Variants in NFATC2 observed in about 807,000 individuals in gnomAD.
The protein encoded by NFATC2 is nuclear factor of activated T cells 2.
A neutral mutation model predicts 87.3 loss-of-function variants in NFATC2; 22 were observed. The observed-to-expected ratio is 0.25, with a 90% confidence interval of 0.18 to 0.36. The LOEUF (loss-of-function observed/expected upper bound fraction) is 0.36, where lower values mean the gene tolerates loss of function less well. NFATC2 is among the 10% of genes least tolerant of loss of function. The probability of loss-of-function intolerance (pLI) is 1.00; values close to 1 mark genes in which losing one functional copy is unlikely to be tolerated. For missense variants in NFATC2, 1,149 were observed against 1,259.1 expected (o/e 0.91, Z 1.32); for synonymous variants, 565 against 542.2 (o/e 1.04, Z -0.58).
At chr20:51,411,554 G>A (rs1979257680) in intron 9 of NFATC2, among the ~76,000 whole-genome samples, 2 of 115,892 alleles carry the variant, frequency 1.7e-5, no homozygotes, top group Non-Finnish European at 3.3e-5. Context: ...TTGAGACAGA[G>A]TCTTGCTCTT....
At chr20:51,494,419 G>A (rs980898787) in intron 3 of NFATC2, among the ~76,000 whole-genome samples, 4 of 152,084 alleles carry the variant, frequency 2.6e-5, no homozygotes, top group African/African-American at 7.2e-5. Flanking sequence ...GTGGAAATGC[G>A]GCACACGTCA....
intron 5 of NFATC2, among the ~76,000 whole-genome samples, chr20:51,467,146 C>T (rs2146484398): frequency 6.7e-6 from 1 of 149,488 alleles, no homozygotes; most frequent in African/African-American, 2.5e-5. Context: ...GAAAAATATA[C>T]ACAAATCTGA....
chr20:51,391,326 C>G lies in NFATC2; in HGVS notation c.*170G>C. The G allele has an allele frequency of 2.7e-6, 4 of 1,502,196 alleles. No individual in the cohort carries two copies. Among genetic ancestry groups the G allele is most frequent in the Non-Finnish European group, 3.7e-6 (4 of 1,078,722 alleles). The allele number at this position is 1,502,196 out of a possible 1,614,324, so 93.1% of individuals were successfully genotyped here. The stretch of plus-strand genomic sequence containing the variant: ...GCTGGGAGATGAACATGAAAGGAGA[C>G]AGAAGGTGAGGGGCTGTGGAGGGCT... On this transcript the variant is annotated 3_prime_UTR_variant, in exon 11 of 11. Coordinates refer to ENST00000371564, the MANE Select transcript of NFATC2 (RefSeq NM_012340.5).
chr20:51,493,654 G>A (rs1011486527), intron 3 of NFATC2, among the ~76,000 whole-genome samples: 3 of 152,144 alleles, frequency 2.0e-5, no homozygotes, highest in Non-Finnish European at 2.9e-5. Context: ...CAACGTCACC[G>A]CAGGGAAACC....
At position 51,480,074 on chromosome 20, in the gene NFATC2, C is replaced by T. The variant is rs190929855; in HGVS notation, c.1333-4414G>A. ...AGGCTGAGGTGGGCAGATCACTTGA[C>T]GTCAGGAGTTCAAGACCAGCCCGGG... On this transcript the variant is annotated intron_variant, in intron 3 of 10. Coordinates refer to ENST00000371564, the MANE Select transcript of NFATC2 (RefSeq NM_012340.5). This position sits in a 1 kb window ranked among gnomAD's most constrained non-coding sequence, Gnocchi z 4.2. Among the ~76,000 whole-genome samples the T allele has an allele frequency of 2.0e-5, 3 of 151,966 alleles. No homozygotes were observed. The highest frequency in any genetic ancestry group is 6.6e-5 in the Admixed American group (1 of 15,256).
At position 51,477,573 on chromosome 20, in the gene NFATC2, ATATATAT is replaced by A. The variant is rs1568667359; in HGVS notation, c.1333-1920_1333-1914del. On this transcript the variant is annotated intron_variant, in intron 3 of 10. Coordinates refer to ENST00000371564, the MANE Select transcript of NFATC2 (RefSeq NM_012340.5). ...TATATATATATATATATATATATATATATATATAAAATAACAAGAGACAAAAGGACAT... is the reference window on the plus strand; with the variant it reads ...TATATATATATATATATATATATATAAAAATAACAAGAGACAAAAGGACAT... Among the ~76,000 whole-genome samples the A allele has an allele frequency of 4.8e-3, 415 of 87,076 alleles. 3 individuals are homozygous for A. The highest frequency in any genetic ancestry group is 8.3e-3 in the Admixed American group (77 of 9,258). The allele number at this position is 87,076 out of a possible 152,430, so 57.1% of individuals were successfully genotyped here.
Position 51,411,662 on chromosome 20 carries a change from G to T in NFATC2, c.2723-12932C>A, listed in dbSNP as rs965066072. On this transcript the variant is annotated intron_variant, in intron 9 of 10. Coordinates refer to ENST00000371564, the MANE Select transcript of NFATC2 (RefSeq NM_012340.5). ...CCTGCCCCAGCCTCCTGAGTAGCTG[G>T]GATTACAGGCGTGTGCCACCACGCA... is the stretch of plus-strand genomic sequence containing the variant. Among the ~76,000 whole-genome samples, 8 of 151,638 alleles carry T rather than the reference G, an allele frequency of 5.3e-5. 1 individual carries two copies. The highest frequency in any genetic ancestry group is 1.9e-4 in the African/African-American group (8 of 41,226).
Position 51,442,857 on chromosome 20 carries a change from C to T in NFATC2, c.1850-7096G>A, listed in dbSNP as rs563491873. On this transcript the variant is annotated intron_variant, in intron 6 of 10. Transcript: ENST00000371564. ...GCTCCGGCACAGCTGTACCCCAGGC[C>T]GAGAGATGGACCATGTATGCCTTCC... Among the ~76,000 whole-genome samples the T allele has an allele frequency of 2.6e-4, 39 of 151,878 alleles. 1 individual carries two copies. The highest frequency in any genetic ancestry group is 4.9e-4 in the Non-Finnish European group (33 of 67,914).
intron 1 of NFATC2, among the ~76,000 whole-genome samples, chr20:51,556,657 A>C (rs937471889): frequency 1.3e-5 from 2 of 152,178 alleles, no homozygotes; most frequent in Non-Finnish European, 1.5e-5. Flanking sequence ...AAAGGAGAGA[A>C]ACCCAGATAG....
At chr20:51,399,060 T>G (rs1243320776) in intron 9 of NFATC2, 2 of 228,104 alleles carry the variant, frequency 8.8e-6, no homozygotes, top group Non-Finnish European at 8.7e-6. Context: ...AAGAGAAAAT[T>G]AAGCTGGTTT....
chr20:51,432,685 G>A lies in NFATC2; in HGVS notation c.2104C>T (p.Leu702=), dbSNP rs561777535. Residue 702 remains leucine, a synonymous_variant, in exon 9 of 11, where the codon CTG becomes TTG. Coordinates refer to ENST00000371564, the MANE Select transcript of NFATC2 (RefSeq NM_012340.5). This position sits in a 1 kb window ranked among gnomAD's most constrained non-coding sequence, Gnocchi z 4.6. ...TLICSPTHGG[L]GSQPYYPQHP... is the part of the protein sequence containing the mutation. ...TGGGGGTAGTAAGGCTGGCTCCCCAGGCCTCCATGGGTGGGGCTGCAGATC... is the reference window on the plus strand; with the variant it reads ...TGGGGGTAGTAAGGCTGGCTCCCCAAGCCTCCATGGGTGGGGCTGCAGATC... 6 of 1,577,898 alleles carry A rather than the reference G, an allele frequency of 3.8e-6. No homozygotes were observed. The East Asian group carries it at 1.3e-4, about 35-fold the overall frequency.
intron 1 of NFATC2, among the ~76,000 whole-genome samples, chr20:51,533,062 CG>C (rs1380078758): frequency 6.6e-6 from 1 of 152,230 alleles, no homozygotes; most frequent in Non-Finnish European, 1.5e-5. Flanking sequence ...GACAGTCTGT[CG>C]CCAAGGCAGC....
intron 3 of NFATC2, among the ~76,000 whole-genome samples, chr20:51,481,433 C>G (rs548723369): frequency 3.3e-5 from 5 of 152,128 alleles, no homozygotes; most frequent in Non-Finnish European, 7.4e-5. Flanking sequence ...TTCTGCAATA[C>G]AGGAGCTCCA....
intron 1 of NFATC2, among the ~76,000 whole-genome samples, chr20:51,540,392 T>A (rs1297891506): frequency 6.6e-6 from 1 of 152,190 alleles, no homozygotes; most frequent in East Asian, 1.9e-4. Context: ...CCTAGAGCCC[T>A]AGTCTAATGA....
At chr20:51,515,280 G>A (rs1568713465) in intron 3 of NFATC2, among the ~76,000 whole-genome samples, 1 of 152,220 alleles carries the variant, frequency 6.6e-6, no homozygotes, top group African/African-American at 2.4e-5. Context: ...GACTAAGAGT[G>A]CAGCGGAGCT....
intron 6 of NFATC2, among the ~76,000 whole-genome samples, chr20:51,450,458 T>C (rs1985630003): frequency 6.6e-6 from 1 of 152,198 alleles, no homozygotes; most frequent in Non-Finnish European, 1.5e-5. Flanking sequence ...GAACTCACTA[T>C]GTTGCCCAAG....
chr20:51,528,950 G>A (rs576661420), intron 1 of NFATC2, among the ~76,000 whole-genome samples: 115 of 152,268 alleles, frequency 7.6e-4, no homozygotes, highest in Non-Finnish European at 4.6e-4. Flanking sequence ...GCTAGCATCT[G>A]TAAGGCCTGG....
intron 5 of NFATC2, among the ~76,000 whole-genome samples, chr20:51,468,725 G>C (rs527481069): frequency 4.6e-5 from 7 of 152,368 alleles, no homozygotes; most frequent in Admixed American, 3.9e-4. Flanking sequence ...AACATTGCCT[G>C]GTTCCGTCTT....
At chr20:51,478,443 C>T (rs1346375306) in intron 3 of NFATC2, among the ~76,000 whole-genome samples, 1 of 152,100 alleles carries the variant, frequency 6.6e-6, no homozygotes, top group Non-Finnish European at 1.5e-5. Flanking sequence ...GCAGAAATCG[C>T]CTGCTGGGTG....
Sources: allele counts gnomAD v4.1 joint callset (sites outside exome capture counted in the v4.1 genomes callset), GRCh38; gene constraint gnomAD v4.1.1; non-coding constraint Gnocchi (gnomAD v3.1); transcripts MANE v1.5; gene names NCBI Gene and HGNC (gene_info 2026-07-23, HGNC 2026-07-21).